ENPP2: variants seen among roughly 807,000 people sequenced by gnomAD.
ENPP2 encodes autotaxin.
ENPP2 carries 51 observed loss-of-function variants against 120.2 expected under a neutral mutation model. That is an observed-to-expected ratio of 0.42 (90% CI 0.34 to 0.54). The LOEUF is 0.54. ENPP2 is among the 20% of genes least tolerant of loss of function. The pLI is 0.04. For synonymous variants in ENPP2, 365 were observed against 366.4 expected, an observed-to-expected ratio of 1.00 and a Z score of 0.04; for missense variants, 920 against 1,066.5, an observed-to-expected ratio of 0.86 and a Z score of 1.91.
At chr8:119,609,803 T>G (rs1169664722) in intron 8 of ENPP2, among the ~76,000 whole-genome samples, 2 of 152,220 alleles carry the variant, frequency 1.3e-5, no homozygotes. Flanking sequence ...TCCAAGAAGA[T>G]TGTACTAGGC....
chr8:119,581,556 T>C (rs1190669824), intron 18 of ENPP2, among the ~76,000 whole-genome samples: 1 of 152,076 alleles, frequency 6.6e-6, no homozygotes, highest in Non-Finnish European at 1.5e-5. Context: ...ATCGGCCAAA[T>C]ACAATAGTTC....
At chr8:119,597,705 A>C (rs1236814701) in intron 11 of ENPP2, among the ~76,000 whole-genome samples, 3 of 152,200 alleles carry the variant, frequency 2.0e-5, no homozygotes, top group Non-Finnish European at 4.4e-5. Flanking sequence ...AAGGTCAAAA[A>C]GAAAAAGATT....
At chr8:119,586,078 T>A (rs1301888166) in intron 15 of ENPP2, 108 bp downstream of exon 15, 1 of 1,254,510 alleles carries the variant, frequency 8.0e-7, no homozygotes, top group East Asian at 2.4e-5. Flanking sequence ...ACAGTGAGAT[T>A]TCCAACTGAT....
chr8:119,644,193 A>G (rs899660776), intron 1 of ENPP2, among the ~76,000 whole-genome samples: 27 of 152,122 alleles, frequency 1.8e-4, no homozygotes, highest in African/African-American at 6.5e-4. Context: ...TGCACGGTGT[A>G]GATATGAATC....
At position 119,557,218 on chromosome 8, in the gene ENPP2, G is replaced by A. The variant is rs1191284109; in HGVS notation, c.*303C>T. On this transcript the variant is annotated 3_prime_UTR_variant, in exon 25 of 25. Transcript: ENST00000075322. The stretch of plus-strand genomic sequence containing the variant: ...GTTTCCATACAGTACAGGACTAAAT[G>A]TGGCAACTGTGCATTGGAAAATTAA... 10 of 294,170 alleles carry A rather than the reference G, an allele frequency of 3.4e-5. No individual in the cohort carries two copies. The highest frequency in any genetic ancestry group is 6.3e-5 in the Non-Finnish European group (10 of 157,536). The allele number at this position is 294,170 out of a possible 1,614,324, so 18.2% of individuals were successfully genotyped here. A position where few individuals can be genotyped will look rare whatever the true frequency, so the allele number is the denominator to read the frequency against.
At chr8:119,590,786 T>C (rs1200672715) in intron 12 of ENPP2, among the ~76,000 whole-genome samples, 156 bp from the exon 13 acceptor site, 2 of 152,164 alleles carry the variant, frequency 1.3e-5, no homozygotes, top group African/African-American at 2.4e-5. Context: ...TGACTTTAAA[T>C]GGTTTAAGGC....
Position 119,584,022 on chromosome 8 carries a change from T to C in ENPP2, c.1395A>G (p.Pro465=), listed in dbSNP as rs144932109. Reference sequence around the variant, plus strand: ...CTCCCTGGAAAAAGCATTTTCCTGATGGTTTCTTATAAACATCCAAAGGTT... The same window carrying C: ...CTCCCTGGAAAAAGCATTTTCCTGACGGTTTCTTATAAACATCCAAAGGTT... ...ARKPLDVYKK[P]SGKCFFQGDH... Residue 465 remains proline (P), a synonymous_variant, in exon 16 of 25, where the codon CCA becomes CCG. Transcript: ENST00000075322. The C allele has an allele frequency of 2.0e-4, 322 of 1,612,904 alleles. 1 individual carries two copies. In the African/African-American group the frequency reaches 3.3e-3, roughly 17 times the overall value.
chr8:119,638,847 G>A (rs1383682079), upstream of ENPP2: 1 of 1,611,006 alleles, frequency 6.2e-7, no homozygotes, highest in Admixed American at 1.7e-5. Context: ...ACTGCTTTGA[G>A]GCTCTGGGTT....
At chr8:119,667,684 C>A (rs1168166889) in intron 1 of ENPP2, among the ~76,000 whole-genome samples, 1 of 152,228 alleles carries the variant, frequency 6.6e-6, no homozygotes. Flanking sequence ...TTATATGACA[C>A]AGTGCCTCCT....
At chr8:119,644,933 G>A (rs188661507) in intron 1 of ENPP2, among the ~76,000 whole-genome samples, 45 of 151,978 alleles carry the variant, frequency 3.0e-4, no homozygotes, top group African/African-American at 1.1e-3. Flanking sequence ...ACCACATGAA[G>A]GTTTTCATTT....
chr8:119,641,328 A>AC (rs398112952), upstream of ENPP2, among the ~76,000 whole-genome samples: 1 of 151,706 alleles, frequency 6.6e-6, no homozygotes, highest in African/African-American at 2.4e-5. Flanking sequence ...AAAAAAAAAA[A>AC]CAAAAAAAAG....
chr8:119,667,209 C>A (rs986521006), intron 1 of ENPP2, among the ~76,000 whole-genome samples: 3 of 152,168 alleles, frequency 2.0e-5, no homozygotes. Context: ...GAACTTTATA[C>A]ACAGAATCTT....
intron 11 of ENPP2, among the ~76,000 whole-genome samples, chr8:119,597,753 C>A (rs182582363): frequency 6.6e-6 from 1 of 152,304 alleles, no homozygotes; most frequent in Non-Finnish European, 1.5e-5. Flanking sequence ...TTTGAACATT[C>A]ACCATTACAC....
intron 2 of ENPP2, among the ~76,000 whole-genome samples, chr8:119,636,132 C>G (rs1816985272): frequency 6.6e-6 from 1 of 152,178 alleles, no homozygotes; most frequent in African/African-American, 2.4e-5. Flanking sequence ...GCTGCCTCCT[C>G]CCCACCTAGT....
At chr8:119,594,907 T>G (rs1305709345) in intron 11 of ENPP2, among the ~76,000 whole-genome samples, 1 of 152,250 alleles carries the variant, frequency 6.6e-6, no homozygotes, top group Non-Finnish European at 1.5e-5. Flanking sequence ...CCTTTCCTCC[T>G]GTTATTTCAT....
chr8:119,557,907 T>C (rs986174630), intron 24 of ENPP2, among the ~76,000 whole-genome samples: 2 of 152,202 alleles, frequency 1.3e-5, no homozygotes, highest in African/African-American at 2.4e-5. Flanking sequence ...TCAACAGCAA[T>C]TAACTGTACC....
chr8:119,668,494 A>G (rs1219100566), intron 1 of ENPP2, among the ~76,000 whole-genome samples: 1 of 139,950 alleles, frequency 7.1e-6, no homozygotes, highest in Non-Finnish European at 1.5e-5. Context: ...CAGTGGTGCA[A>G]TCTCAGCTCA....
intron 6 of ENPP2, 80 bp from the exon 7 acceptor site, chr8:119,617,323 A>C: frequency 8.2e-7 from 1 of 1,220,754 alleles, no homozygotes; most frequent in Non-Finnish European, 1.2e-6. Flanking sequence ...AAACACTCAG[A>C]CATGTGTTAC....
intron 2 of ENPP2, among the ~76,000 whole-genome samples, chr8:119,630,252 G>A (rs1201245410): frequency 6.6e-6 from 1 of 152,020 alleles, no homozygotes; most frequent in Non-Finnish European, 1.5e-5. Context: ...GGGATTAGAG[G>A]CACCCACCAC....
Sources: gnomAD v4.1 joint callset for allele counts (sites outside exome capture counted in the v4.1 genomes callset) on GRCh38, gnomAD v4.1.1 for gene constraint, MANE v1.5 for transcripts, NCBI Gene and HGNC (gene_info 2026-07-23, HGNC 2026-07-21) for gene names.